COMMD1: variants seen among roughly 807,000 people sequenced by gnomAD.
The protein encoded by COMMD1 is COMM domain-containing protein 1.
In COMMD1, 10 loss-of-function variants were observed where a neutral mutation model predicts 17.2. The ratio of observed to expected loss-of-function variants is 0.58; its 90% CI spans 0.36 to 0.99. The LOEUF (loss-of-function observed/expected upper bound fraction) is 0.99. COMMD1 is among the 50% of genes least tolerant of loss of function. The probability of loss-of-function intolerance (pLI) is 0.01; values close to 1 mark genes in which losing one functional copy is unlikely to be tolerated. For missense variants in COMMD1, 270 were observed against 231.8 expected (o/e 1.17, Z -1.07); for synonymous variants, 97 against 91.6 (o/e 1.06, Z -0.34).
intron 2 of COMMD1, among the ~76,000 whole-genome samples, chr2:62,064,702 C>T (rs1451193276): frequency 1.3e-5 from 2 of 152,098 alleles, no homozygotes; most frequent in Non-Finnish European, 2.9e-5. Context: ...TTTTCAACTC[C>T]CTCTTTGTTC....
chr2:62,001,081 A>G, intron 2 of COMMD1, 99 bp downstream of exon 2: 1 of 1,129,722 alleles, frequency 8.9e-7, no homozygotes, highest in Non-Finnish European at 1.3e-6. Flanking sequence ...CAGCAACAGG[A>G]AAAGACACTG....
intron 1 of COMMD1, among the ~76,000 whole-genome samples, chr2:61,913,248 T>C (rs1452773610): frequency 6.7e-6 from 1 of 149,858 alleles, no homozygotes; most frequent in Non-Finnish European, 1.5e-5. Flanking sequence ...GCACCTGTAG[T>C]CCCAGCTACT....
intron 1 of COMMD1, among the ~76,000 whole-genome samples, chr2:61,984,970 C>G (rs1672063055): frequency 6.7e-6 from 1 of 149,928 alleles, no homozygotes; most frequent in Admixed American, 6.6e-5. Context: ...AGTATAGCTA[C>G]TCCTGCTCCT....
chr2:62,093,923 C>G (rs1671917944), intron 2 of COMMD1, among the ~76,000 whole-genome samples: 1 of 152,124 alleles, frequency 6.6e-6, no homozygotes, highest in Non-Finnish European at 1.5e-5. Context: ...CTAGTTAATG[C>G]TATTAATTCA....
chr2:62,074,803 A>G (rs192031623), intron 2 of COMMD1, among the ~76,000 whole-genome samples: 1 of 151,424 alleles, frequency 6.6e-6, no homozygotes, highest in East Asian at 1.9e-4. Context: ...CCTCTTAGCC[A>G]TTAAGGCATA....
At chr2:61,950,194 A>C (rs1020859874) in intron 1 of COMMD1, among the ~76,000 whole-genome samples, 1 of 152,142 alleles carries the variant, frequency 6.6e-6, no homozygotes, top group African/African-American at 2.4e-5. Context: ...GACAGGTAAT[A>C]TGTTTATTTT....
At chr2:61,996,314 A>ATATGTGTGTGTGTG (rs1491191568) in intron 1 of COMMD1, among the ~76,000 whole-genome samples, 1 of 142,314 alleles carries the variant, frequency 7.0e-6, no homozygotes, top group African/African-American at 2.7e-5. Context: ...TGTTTTCTAA[A>ATATGTGTGTGTGTG]TGTGTGTGTG....
At chr2:61,922,585 G>T (rs1049654457) in intron 1 of COMMD1, among the ~76,000 whole-genome samples, 1 of 152,080 alleles carries the variant, frequency 6.6e-6, no homozygotes, top group South Asian at 2.1e-4. Context: ...TAAAGTGCTG[G>T]GATTACAGGT....
intron 2 of COMMD1, among the ~76,000 whole-genome samples, chr2:62,020,528 C>G (rs1669582421): frequency 6.6e-6 from 1 of 152,150 alleles, no homozygotes; most frequent in South Asian, 2.1e-4. Context: ...CTGTCTCTTT[C>G]AGTCGAAATG....
chr2:62,099,566 T>A (rs1672115262), intron 2 of COMMD1, among the ~76,000 whole-genome samples: 1 of 150,714 alleles, frequency 6.6e-6, no homozygotes, highest in African/African-American at 2.5e-5. Flanking sequence ...TTATTTGCTA[T>A]CTCTCTCTTT....
chr2:62,118,382 G>A (rs2104066201), intron 2 of COMMD1: 1 of 152,332 alleles, frequency 6.6e-6, no homozygotes, highest in African/African-American at 2.4e-5. Context: ...CCCAAGTGAT[G>A]TCAGAATTCA....
chr2:62,106,945 G>A (rs1412314851), intron 2 of COMMD1, among the ~76,000 whole-genome samples: 1 of 152,078 alleles, frequency 6.6e-6, no homozygotes, highest in Non-Finnish European at 1.5e-5. Context: ...GCCCTATGAG[G>A]CCCAGACTTG....
chr2:61,953,150 C>T (rs766045851), intron 1 of COMMD1, among the ~76,000 whole-genome samples: 93 of 151,870 alleles, frequency 6.1e-4, no homozygotes, highest in Non-Finnish European at 9.4e-4. Context: ...GCTGGGATTA[C>T]AGGGGTGTGC....
intron 1 of COMMD1, among the ~76,000 whole-genome samples, chr2:61,929,112 A>G (rs1224396180): frequency 6.6e-6 from 1 of 152,232 alleles, no homozygotes; most frequent in Non-Finnish European, 1.5e-5. Context: ...TTACTGGGCA[A>G]GTGTTCTTCT....
intron 1 of COMMD1, among the ~76,000 whole-genome samples, chr2:61,996,337 T>A (rs1668756074): frequency 6.6e-6 from 1 of 151,838 alleles, no homozygotes; most frequent in Admixed American, 6.6e-5. Flanking sequence ...TGTGTGTGTG[T>A]GTGTGTGTGT....
At chr2:61,963,301 C>A (rs981366464) in intron 1 of COMMD1, among the ~76,000 whole-genome samples, 5 of 151,298 alleles carry the variant, frequency 3.3e-5, no homozygotes, top group Admixed American at 3.3e-4. Context: ...GTTGTTCCAC[C>A]AAATTATTGA....
chr2:61,937,059 A>G (rs1021757774), intron 1 of COMMD1, among the ~76,000 whole-genome samples: 4 of 152,194 alleles, frequency 2.6e-5, no homozygotes, highest in Admixed American at 2.6e-4. Flanking sequence ...TAATTGGTTG[A>G]AAGATTTATT....
chr2:62,104,527 G>A (rs573545086), intron 2 of COMMD1, among the ~76,000 whole-genome samples: 1 of 151,338 alleles, frequency 6.6e-6, no homozygotes, highest in East Asian at 2.0e-4. Context: ...CCAGCTACTC[G>A]GGAAGCTGAG....
intron 2 of COMMD1, among the ~76,000 whole-genome samples, chr2:62,098,554 A>G (rs1558598782): frequency 1.3e-5 from 2 of 152,216 alleles, no homozygotes; most frequent in Non-Finnish European, 2.9e-5. Flanking sequence ...TAAACCTTGC[A>G]TAAACCCAGA....
Sources: allele counts gnomAD v4.1 joint callset (sites outside exome capture counted in the v4.1 genomes callset), GRCh38; gene constraint gnomAD v4.1.1; transcripts MANE v1.5; gene names NCBI Gene and HGNC (gene_info 2026-07-23, HGNC 2026-07-21).